Variants in CRIM1 observed in about 807,000 individuals in gnomAD.
CRIM1 encodes the protein cysteine-rich motor neuron 1 protein.
In CRIM1, 32 loss-of-function variants were observed where a neutral mutation model predicts 116.4. The ratio of observed to expected loss-of-function variants is 0.27; its 90% confidence interval spans 0.21 to 0.37. The LOEUF is 0.37. CRIM1 is among the 10% of genes least tolerant of loss of function. The pLI is 1.00. For missense variants in CRIM1, 1,331 were observed against 1,354.8 expected, an observed-to-expected ratio of 0.98 and a Z score of 0.28; for synonymous variants, 590 against 509.2, an observed-to-expected ratio of 1.16 and a Z score of -2.13.
chr2:36,512,287 G>A lies in CRIM1; in HGVS notation c.1673G>A (p.Gly558Asp). Residue 558 changes from glycine to aspartate, a missense_variant, in exon 10 of 17, where the codon GGC becomes GAC. Physicochemically the swap from Gly to Asp is moderately conservative, Grantham distance 94. Coordinates refer to ENST00000280527, the MANE Select transcript of CRIM1 (RefSeq NM_016441.3). ...CPLGLLKNKHGCDICRCKKCP... is the reference protein window; with the variant it reads ...CPLGLLKNKHDCDICRCKKCP... ...TAATTACCCAGGAAGAATAAGCACG[G>A]CTGTGACATCTGTCGCTGTAAGAAA... 6.2e-7 allele frequency: 1 copy of A among 1,613,426 alleles called. No homozygotes were observed. Among genetic ancestry groups the A allele is most frequent in the East Asian group, 2.2e-5 (1 of 44,854 alleles).
intron 9 of CRIM1, among the ~76,000 whole-genome samples, chr2:36,510,923 C>CT (rs1013951561): frequency 0.053 from 5,761 of 109,166 alleles, 306 homozygotes; most frequent in African/African-American, 0.12. Flanking sequence ...GATTCCTTTT[C>CT]TTTTTTTTTT....
chr2:36,386,708 G>A (rs111756466), intron 1 of CRIM1, among the ~76,000 whole-genome samples: 1,663 of 152,328 alleles, frequency 0.011, 11 homozygotes, highest in Non-Finnish European at 0.017. Flanking sequence ...CCCACTTCGG[G>A]TAAAGGAGAT....
At chr2:36,370,543 T>C (rs1572573519) in intron 1 of CRIM1, among the ~76,000 whole-genome samples, 1 of 152,360 alleles carries the variant, frequency 6.6e-6, no homozygotes, top group East Asian at 1.9e-4. Context: ...AGTATTTACA[T>C]GCTTTAATAA....
intron 1 of CRIM1, among the ~76,000 whole-genome samples, chr2:36,391,914 T>C (rs1351956591): frequency 1.3e-5 from 2 of 152,022 alleles, no homozygotes; most frequent in Admixed American, 1.3e-4. Context: ...TAAAGCAAAA[T>C]GGTAAGGAAT....
At chr2:36,507,311 A>G (rs915838370) in intron 8 of CRIM1, among the ~76,000 whole-genome samples, 3 of 152,234 alleles carry the variant, frequency 2.0e-5, no homozygotes, top group Admixed American at 6.5e-5. Flanking sequence ...GGCAAGTGCT[A>G]GTATTTCAGG....
chr2:36,424,455 G>A (rs1413801661), intron 2 of CRIM1, among the ~76,000 whole-genome samples: 1 of 152,204 alleles, frequency 6.6e-6, no homozygotes, highest in Non-Finnish European at 1.5e-5. Context: ...ATGGGTGAAT[G>A]TTGGGGAAGA....
chr2:36,396,565 TTGAA>T, intron 1 of CRIM1, 45 bp from the exon 2 acceptor site: 12 of 1,358,002 alleles, frequency 8.8e-6, no homozygotes, highest in Non-Finnish European at 1.1e-5. Flanking sequence ...GAACAGGCCT[TTGAA>T]TGAAGCTGCA....
rs977620712 is a variant in CRIM1, at chr2:36,356,799, C to T, written c.331+176C>T. 6.6e-6 allele frequency among the ~76,000 whole-genome samples: 1 copy of T among 152,200 alleles called. No individual in the cohort carries two copies. The highest frequency in any genetic ancestry group is 2.4e-5 in the African/African-American group (1 of 41,456). ...CGGCCCTGCGTTCCCTCTCCTTGTT[C>T]CCCCCGACGCTTAGGCAGTCGCGGG... On this transcript the variant is annotated intron_variant, in intron 1 of 16. Coordinates refer to ENST00000280527, the MANE Select transcript of CRIM1 (RefSeq NM_016441.3). This position sits in a 1 kb window ranked among gnomAD's most constrained non-coding sequence, Gnocchi z 4.3.
At position 36,356,243 on chromosome 2, in the gene CRIM1, G is replaced by C; in HGVS notation, c.-50G>C. The C allele has an allele frequency of 1.7e-6, 2 of 1,156,818 alleles. No individual in the cohort carries two copies. The highest frequency in any genetic ancestry group is 2.3e-6 in the Non-Finnish European group (2 of 876,134). 71.7% of individuals were successfully genotyped at this position (1,156,818 alleles called of 1,614,324 possible). A position where few individuals can be genotyped will look rare whatever the true frequency, so the allele number is the denominator to read the frequency against. ...GTGCCCCGCGCAGGGGAGGGCGCCCGCCCCGCTCCCGGCCCGGCTGCGAGG... is the reference window on the plus strand; with the variant it reads ...GTGCCCCGCGCAGGGGAGGGCGCCCCCCCCGCTCCCGGCCCGGCTGCGAGG... On this transcript the variant is annotated 5_prime_UTR_variant, in exon 1 of 17. Transcript: ENST00000280527. The surrounding 1 kb of genome is among the most constrained non-coding windows in gnomAD (Gnocchi z 4.3).
chr2:36,410,803 C>T (rs1425322522), intron 2 of CRIM1, among the ~76,000 whole-genome samples: 2 of 151,724 alleles, frequency 1.3e-5, no homozygotes, highest in East Asian at 3.9e-4. Flanking sequence ...GGTTTTGCAA[C>T]AGTGTACATG....
chr2:36,374,732 T>C (rs1670192409), intron 1 of CRIM1, among the ~76,000 whole-genome samples: 1 of 152,220 alleles, frequency 6.6e-6, no homozygotes, highest in Non-Finnish European at 1.5e-5. Flanking sequence ...GAATTTATTT[T>C]CCTGAGTGCC....
At chr2:36,519,633 C>T (rs999076953) in intron 12 of CRIM1, among the ~76,000 whole-genome samples, 2 of 152,140 alleles carry the variant, frequency 1.3e-5, no homozygotes, top group African/African-American at 4.8e-5. Context: ...AGTCATAGCT[C>T]CACAGTGGGA....
In CRIM1 at chr2:36,369,856, G is replaced by A. The variant is rs115613860; in HGVS notation, c.331+13233G>A. Among the ~76,000 whole-genome samples, 387 of 152,286 alleles carry A rather than the reference G, an allele frequency of 2.5e-3. 2 individuals carry two copies. The highest frequency in any genetic ancestry group is 9.0e-3 in the African/African-American group (373 of 41,564). On this transcript the variant is annotated intron_variant, in intron 1 of 16. Transcript: ENST00000280527. ...AGCTAATTCCTTCTTTGAATGTGTA[G>A]TTAACTTTGTGCCATTGGATGTAGG...
chr2:36,448,146 C>G (rs1323493113), intron 4 of CRIM1, among the ~76,000 whole-genome samples: 2 of 152,230 alleles, frequency 1.3e-5, no homozygotes, highest in Admixed American at 6.5e-5. Flanking sequence ...AAAGGGAATG[C>G]TACTTTGGGA....
intron 1 of CRIM1, among the ~76,000 whole-genome samples, chr2:36,381,097 G>A (rs532490407): frequency 2.0e-5 from 3 of 152,090 alleles, no homozygotes; most frequent in East Asian, 3.9e-4. Context: ...CTCCCTGCCC[G>A]CCTTCTTGCC....
At chr2:36,547,217 A>G (rs1558427025) in intron 16 of CRIM1, 46 bp downstream of exon 16, 1 of 1,473,320 alleles carries the variant, frequency 6.8e-7, no homozygotes, top group Admixed American at 1.8e-5. Context: ...AATCTAGGAA[A>G]ACTTACACTC....
At chr2:36,412,657 A>G (rs1673303397) in intron 2 of CRIM1, among the ~76,000 whole-genome samples, 1 of 152,250 alleles carries the variant, frequency 6.6e-6, no homozygotes, top group African/African-American at 2.4e-5. Context: ...TTTAAAACAA[A>G]TGAATTTTAA....
chr2:36,357,629 G>A (rs1247577336), intron 1 of CRIM1, among the ~76,000 whole-genome samples: 2 of 152,170 alleles, frequency 1.3e-5, no homozygotes, highest in African/African-American at 2.4e-5. Context: ...GCTAACGGGG[G>A]CACGGTTCGG....
intron 8 of CRIM1, among the ~76,000 whole-genome samples, chr2:36,500,753 AGCT>A (rs1572877949): frequency 6.6e-6 from 1 of 152,244 alleles, no homozygotes; most frequent in African/African-American, 2.4e-5. Flanking sequence ...TGCTGAACAT[AGCT>A]GCTTACAGTA....
Sources: gnomAD v4.1 joint callset for allele counts (sites outside exome capture counted in the v4.1 genomes callset) on GRCh38, gnomAD v4.1.1 for gene constraint, Gnocchi (gnomAD v3.1) non-coding constraint, MANE v1.5 for transcripts, NCBI Gene and HGNC (gene_info 2026-07-23, HGNC 2026-07-21) for gene names.